The following NABP1 variants were observed in gnomAD, a reference collection of about 807,000 sequenced individuals.
The protein encoded by NABP1 is SOSS complex subunit B2.
Under a neutral mutation model 25.0 loss-of-function variants are expected in NABP1, and 18 were observed. The observed-to-expected ratio is 0.72, with a 90% CI of 0.50 to 1.07. NABP1 has a LOEUF of 1.07. Among genes scored for constraint, NABP1 ranks in the 50% least tolerant of loss-of-function variants. NABP1 has a pLI of 0.00. For missense variants in NABP1, 270 were observed against 255.6 expected, an observed-to-expected ratio of 1.06 and a Z score of -0.39; for synonymous variants, 71 against 85.0, an observed-to-expected ratio of 0.84 and a Z score of 0.91.
rs1003138177 is a variant in NABP1 at position 191,678,283 on chromosome 2, GT to G, written c.-323del. Reference sequence around the variant, plus strand: ...CAGGGCAGAAGTGTCCCCTCACTGCGTTTTTTTTTCCTTTTATCCAAAGAAC... The same window carrying G: ...CAGGGCAGAAGTGTCCCCTCACTGCGTTTTTTTTCCTTTTATCCAAAGAAC... On this transcript the variant is annotated 5_prime_UTR_variant, in exon 1 of 6. Transcript: ENST00000425611. 3.0e-4 allele frequency: 54 copies of G among 181,010 alleles called. No homozygotes were observed. Among genetic ancestry groups the G allele is most frequent in the African/African-American group, 1.0e-3 (42 of 42,188 alleles). The allele number at this position is 181,010 out of a possible 1,614,324, so 11.2% of individuals were successfully genotyped here. A position where few individuals can be genotyped will look rare whatever the true frequency, so the allele number is the denominator to read the frequency against.
intron 3 of NABP1, chr2:191,682,223 C>A: frequency 2.3e-6 from 1 of 427,834 alleles, no homozygotes. Context: ...TCAATTTTTC[C>A]TGGCAAAGAG....
intron 3 of NABP1, 180 bp downstream of exon 3, chr2:191,682,197 T>C (rs1158246207): frequency 2.1e-6 from 1 of 468,934 alleles, no homozygotes; most frequent in East Asian, 3.8e-5. Context: ...AGTACTGTTT[T>C]CTGTGGTTAA....
intron 1 of NABP1, 68 bp downstream of exon 1, chr2:191,678,773 C>T: frequency 1.4e-6 from 2 of 1,442,878 alleles, no homozygotes; most frequent in South Asian, 1.2e-5. Context: ...GGGGCGCCGG[C>T]CGCTGCGCGC....
At chr2:191,679,789 C>CCCA (rs1373509213) in intron 2 of NABP1, among the ~76,000 whole-genome samples, 1 of 152,082 alleles carries the variant, frequency 6.6e-6, no homozygotes, top group African/African-American at 2.4e-5. Context: ...TCAGTTGTTT[C>CCCA]CCACCCCTTC....
chr2:191,683,341 C>T lies in NABP1; in HGVS notation c.303-388C>T, dbSNP rs73981874. The T allele has an allele frequency of 3.7e-3, 860 of 233,042 alleles. 6 individuals are homozygous for T. The highest frequency in any genetic ancestry group is 0.019 in the African/African-American group (809 of 42,006). 14.4% of individuals were successfully genotyped at this position (233,042 alleles called of 1,614,324 possible). On this transcript the variant is annotated intron_variant, in intron 3 of 5. Coordinates refer to ENST00000425611, the MANE Select transcript of NABP1 (RefSeq NM_001031716.5). The surrounding 1 kb of genome is among the most constrained non-coding windows in gnomAD (Gnocchi z 4.1). ...ACTGAATGGGAGTGGGTGAATGGAT[C>T]GGTGCAAATCCATTACCACTGCTGG...
chr2:191,683,881 A>C lies in NABP1; in HGVS notation c.378+77A>C. ...TTCTATGATTAGGCTAGCCCTGTTG[A>C]TACTTAGTATAAAGAAGATAATTTT... On this transcript the variant is annotated intron_variant, in intron 4 of 5. Coordinates refer to ENST00000425611, the MANE Select transcript of NABP1 (RefSeq NM_001031716.5). This position sits in a 1 kb window ranked among gnomAD's most constrained non-coding sequence, Gnocchi z 4.1. 3 of 1,059,844 alleles carry C rather than the reference A, an allele frequency of 2.8e-6. No individual in the cohort carries two copies. 65.7% of individuals were successfully genotyped at this position (1,059,844 alleles called of 1,614,324 possible). A position where few individuals can be genotyped will look rare whatever the true frequency, so the allele number is the denominator to read the frequency against.
rs137973508 is a variant in NABP1 at position 191,683,479 on chromosome 2, A to AT, written c.303-241dup. ...TTTTGTGTCCTTGATTTTTGATGTG[A>AT]TTTTTTTTTCAGCACTAAAGAAGAA... On this transcript the variant is annotated intron_variant, in intron 3 of 5. Transcript: ENST00000425611. This position sits in a 1 kb window ranked among gnomAD's most constrained non-coding sequence, Gnocchi z 4.1. 0.017 allele frequency: 6,407 copies of AT among 368,216 alleles called. 318 individuals carry two copies. Among genetic ancestry groups the AT allele is most frequent in the African/African-American group, 0.11 (5,208 of 45,344 alleles). The allele number at this position is 368,216 out of a possible 1,614,324, so 22.8% of individuals were successfully genotyped here.
At chr2:191,682,532 C>T (rs1408582410) in intron 3 of NABP1, 1 of 471,116 alleles carries the variant, frequency 2.1e-6, no homozygotes, top group Middle Eastern at 3.3e-4. Flanking sequence ...AGATTCCATA[C>T]ACTACTACCC....
rs2105643397 is a variant in NABP1 at position 191,681,956 on chromosome 2, A to G, written c.241A>G (p.Met81Val). ...TTCTTTTCTCTCTAGGTATGCATCCATGTGGAAAGGATGTCTGACACTTTA... is the reference window on the plus strand; with the variant it reads ...TTCTTTTCTCTCTAGGTATGCATCCGTGTGGAAAGGATGTCTGACACTTTA... ...IIRLTRGYAS[M>V]WKGCLTLYTG... The change falls in exon 3 of 6, where the codon ATG (methionine) becomes GTG (valine). Residue 81 changes from methionine to valine, a missense_variant. Coordinates refer to ENST00000425611, the MANE Select transcript of NABP1 (RefSeq NM_001031716.5). The G allele has an allele frequency of 6.6e-7, 1 of 1,520,562 alleles. No individual in the cohort carries two copies. The highest frequency in any genetic ancestry group is 8.8e-7 in the Non-Finnish European group (1 of 1,138,706). The allele number at this position is 1,520,562 out of a possible 1,614,324, so 94.2% of individuals were successfully genotyped here.
intron 2 of NABP1, 60 bp from the exon 3 acceptor site, chr2:191,681,886 T>C: frequency 8.6e-7 from 1 of 1,167,482 alleles, no homozygotes; most frequent in Non-Finnish European, 1.2e-6. Context: ...AAGATTTACT[T>C]GATTTAAATA....
At chr2:191,679,657 G>A (rs932145067) in intron 2 of NABP1, among the ~76,000 whole-genome samples, 3 of 152,188 alleles carry the variant, frequency 2.0e-5, no homozygotes, top group Admixed American at 1.3e-4. Context: ...GATTACAGGC[G>A]TGAGCCACCA....
chr2:191,682,827 A>G, intron 3 of NABP1: 1 of 259,012 alleles, frequency 3.9e-6, no homozygotes, highest in Admixed American at 5.1e-5. Context: ...TGTGGTTAAT[A>G]ATGAAGGAAA....
chr2:191,682,666 A>T (rs1687719665), intron 3 of NABP1: 2 of 441,180 alleles, frequency 4.5e-6, no homozygotes, highest in Non-Finnish European at 9.4e-6. Flanking sequence ...AATGAGCCAA[A>T]TCATCAGTCC....
At position 191,685,645 on chromosome 2, in the gene NABP1, A is replaced by G. The variant is rs778019740; in HGVS notation, c.492A>G (p.Ser164=). 25 of 1,613,980 alleles carry G rather than the reference A, an allele frequency of 1.5e-5. No homozygotes were observed. Among genetic ancestry groups the G allele is most frequent in the Non-Finnish European group, 1.9e-5 (23 of 1,179,926 alleles). ...CTGAATCAAGGGAACACCAGTTTTC[A>G]CATGCTGGCAGAAGCAATGGCCGGG... ...TGPESREHQF[S]HAGRSNGRGL... The change falls in exon 6 of 6, where the codon TCA becomes TCG. Residue 164 remains serine, a synonymous_variant. Transcript: ENST00000425611.
chr2:191,678,636 C>G lies in NABP1; in HGVS notation c.22C>G (p.Leu8Val). 1 of 1,613,640 alleles carries G rather than the reference C, an allele frequency of 6.2e-7. No individual in the cohort carries two copies. The highest frequency in any genetic ancestry group is 1.1e-5 in the South Asian group (1 of 91,066). ...CAATATGAATAGGGTCAACGACCCACTTATTTTTATAAGAGATATTAAGCC... is the reference window on the plus strand; with the variant it reads ...CAATATGAATAGGGTCAACGACCCAGTTATTTTTATAAGAGATATTAAGCC... MNRVNDP[L>V]IFIRDIKPGL... Residue 8 changes from leucine to valine, a missense_variant, in exon 1 of 6, where the codon CTT (leucine) becomes GTT (valine). Transcript: ENST00000425611.
chr2:191,683,776 CA>C lies in NABP1; in HGVS notation c.351del (p.Asp118IlefsTer19). 6.2e-7 allele frequency: 1 copy of C among 1,609,428 alleles called. No individual in the cohort carries two copies. The highest frequency in any genetic ancestry group is 8.5e-7 in the Non-Finnish European group (1 of 1,178,858). Reference sequence around the variant, plus strand: ...GTGCCAAATTTCAGTGAACCCAACCCAGATTATCGAGGACAGCAGAACAAAG... The same window carrying C: ...GTGCCAAATTTCAGTGAACCCAACCCGATTATCGAGGACAGCAGAACAAAG... ...SEVPNFSEPN[P>X]DYRGQQNKGA... On this transcript the variant is annotated frameshift_variant, in exon 4 of 6. Coordinates refer to ENST00000425611, the MANE Select transcript of NABP1 (RefSeq NM_001031716.5). LOFTEE classifies it high-confidence loss of function. The surrounding 1 kb of genome is among the most constrained non-coding windows in gnomAD (Gnocchi z 4.1).
chr2:191,682,183 T>A, intron 3 of NABP1, 166 bp downstream of exon 3: 1 of 480,700 alleles, frequency 2.1e-6, no homozygotes, highest in South Asian at 3.4e-5. Context: ...ATTTAACACT[T>A]GTCAGTACTG....
At position 191,686,014 on chromosome 2, in the gene NABP1, G is replaced by A. The variant is rs576561834; in HGVS notation, c.*246G>A. 2.6e-4 allele frequency: 98 copies of A among 372,640 alleles called. No homozygotes were observed. Among genetic ancestry groups the A allele is most frequent in the Middle Eastern group, 1.5e-3 (2 of 1,298 alleles). 23.1% of individuals were successfully genotyped at this position (372,640 alleles called of 1,614,324 possible). A position where few individuals can be genotyped will look rare whatever the true frequency, so the allele number is the denominator to read the frequency against. ...TTTAGAGTAAAAAGATTATTGGATA[G>A]CCTTTAAAAAACCTGCACCCATTTC... On this transcript the variant is annotated 3_prime_UTR_variant, in exon 6 of 6. Transcript: ENST00000425611.
chr2:191,678,847 G>T (rs946708360), intron 1 of NABP1, 142 bp downstream of exon 1: 36 of 1,255,548 alleles, frequency 2.9e-5, no homozygotes, highest in Non-Finnish European at 4.0e-5. Context: ...CTCCGCCCGA[G>T]ATCGGATCCT....
Sources: allele counts gnomAD v4.1 joint callset (sites outside exome capture counted in the v4.1 genomes callset), GRCh38; gene constraint gnomAD v4.1.1; non-coding constraint Gnocchi (gnomAD v3.1); transcripts MANE v1.5; gene names NCBI Gene and HGNC (gene_info 2026-07-23, HGNC 2026-07-21).